Variants in ERBB4 observed in about 807,000 individuals in gnomAD.
ERBB4 encodes erb-b2 receptor tyrosine kinase 4.
ERBB4 carries 42 observed loss-of-function variants against 158.0 expected under a neutral mutation model. The observed-to-expected ratio is 0.27, with a 90% CI of 0.21 to 0.34. The LOEUF is 0.34. Among genes scored for constraint, ERBB4 ranks in the 10% least tolerant of loss-of-function variants. The pLI is 1.00. For missense variants in ERBB4, 1,333 were observed against 1,624.1 expected (o/e 0.82, Z 3.08); for synonymous variants, 583 against 558.7 (o/e 1.04, Z -0.61).
At chr2:212,442,169 A>G (rs2105980645) in intron 1 of ERBB4, among the ~76,000 whole-genome samples, 1 of 152,314 alleles carries the variant, frequency 6.6e-6, no homozygotes, top group Admixed American at 6.5e-5. Flanking sequence ...TGTTCCTAGA[A>G]GTGAAATTGA....
intron 1 of ERBB4, among the ~76,000 whole-genome samples, chr2:212,352,122 C>T (rs944188168): frequency 1.3e-5 from 2 of 151,750 alleles, no homozygotes; most frequent in African/African-American, 4.8e-5. Context: ...ACAATGAGAA[C>T]ATATAGACAA....
chr2:212,300,923 A>G (rs1251667119), intron 1 of ERBB4, among the ~76,000 whole-genome samples: 1 of 151,534 alleles, frequency 6.6e-6, no homozygotes, highest in Non-Finnish European at 1.5e-5. Flanking sequence ...GTCTCTATAA[A>G]GTAAAGATGC....
chr2:211,749,482 A>G (rs1559483975), intron 5 of ERBB4, among the ~76,000 whole-genome samples: 2 of 151,596 alleles, frequency 1.3e-5, no homozygotes, highest in Non-Finnish European at 2.9e-5. Flanking sequence ...TTTGTTGCCT[A>G]TGGAGAGCTG....
chr2:211,476,343 C>T (rs1205501417), intron 20 of ERBB4, among the ~76,000 whole-genome samples: 5 of 151,980 alleles, frequency 3.3e-5, no homozygotes, highest in African/African-American at 4.8e-5. Flanking sequence ...TAAAAAAATG[C>T]AAACTTCCTT....
At chr2:211,861,350 G>GTTTTTTTTT (rs67133944) in intron 3 of ERBB4, among the ~76,000 whole-genome samples, 20 of 88,914 alleles carry the variant, frequency 2.2e-4, no homozygotes, top group East Asian at 7.1e-4. Flanking sequence ...TTTTTTTTTT[G>GTTTTTTTTT]TTTTTTTTTT....
At chr2:212,341,372 T>G (rs2088703684) in intron 1 of ERBB4, among the ~76,000 whole-genome samples, 1 of 152,100 alleles carries the variant, frequency 6.6e-6, no homozygotes, top group East Asian at 1.9e-4. Flanking sequence ...AATTTTTTTT[T>G]GTAAGTTATA....
intron 19 of ERBB4, among the ~76,000 whole-genome samples, chr2:211,611,933 G>A (rs975915876): frequency 2.0e-5 from 3 of 152,086 alleles, no homozygotes; most frequent in Admixed American, 2.0e-4. Flanking sequence ...TTGGCCTATT[G>A]CATGCATAGG....
At chr2:211,976,494 G>T (rs2125217739) in intron 2 of ERBB4, among the ~76,000 whole-genome samples, 1 of 152,000 alleles carries the variant, frequency 6.6e-6, no homozygotes, top group East Asian at 1.9e-4. Context: ...CCTACAACTG[G>T]GAATGGAAGG....
chr2:212,520,374 T>C (rs1465413703), intron 1 of ERBB4, among the ~76,000 whole-genome samples: 1 of 151,974 alleles, frequency 6.6e-6, no homozygotes, highest in Admixed American at 6.6e-5. Context: ...GTTATTTGCA[T>C]GTAAAAATTA....
At chr2:211,957,066 G>T (rs1462456968) in intron 2 of ERBB4, among the ~76,000 whole-genome samples, 2 of 151,938 alleles carry the variant, frequency 1.3e-5, no homozygotes, top group East Asian at 3.9e-4. Context: ...CTCGCCTCAA[G>T]CAATACTCCT....
chr2:211,908,761 C>T (rs569347166), intron 3 of ERBB4, among the ~76,000 whole-genome samples: 44 of 151,702 alleles, frequency 2.9e-4, no homozygotes, highest in South Asian at 6.2e-4. Flanking sequence ...GATAAAAATG[C>T]AGAGGCAATT....
At chr2:212,297,924 A>G (rs575001976) in intron 1 of ERBB4, among the ~76,000 whole-genome samples, 1 of 151,858 alleles carries the variant, frequency 6.6e-6, no homozygotes, top group South Asian at 2.1e-4. Context: ...TTTGAAATAA[A>G]GTAAGTTCAA....
At chr2:212,325,007 T>C (rs1336991446) in intron 1 of ERBB4, among the ~76,000 whole-genome samples, 1 of 85,254 alleles carries the variant, frequency 1.2e-5, no homozygotes, top group Non-Finnish European at 2.9e-5. Context: ...AGTAAAATAT[T>C]ACAAGCAACC....
intron 1 of ERBB4, among the ~76,000 whole-genome samples, chr2:212,427,049 T>G (rs998313001): frequency 6.6e-6 from 1 of 152,144 alleles, no homozygotes; most frequent in Non-Finnish European, 1.5e-5. Context: ...TTTTACACCA[T>G]TTTAGTAGGA....
chr2:212,254,160 A>G lies in ERBB4; in HGVS notation c.83-129257T>C, dbSNP rs560019080. On this transcript the variant is annotated intron_variant, in intron 1 of 27. Transcript: ENST00000342788. ...TCCTAGAAGACCATATAAATAACAT[A>G]CAATTTTAAATCCTACTTAAAATAT... Among the ~76,000 whole-genome samples the G allele has an allele frequency of 8.5e-5, 13 of 152,172 alleles. 1 individual carries two copies. Among genetic ancestry groups the G allele is most frequent in the Non-Finnish European group, 1.6e-4 (11 of 68,022 alleles).
At chr2:212,412,097 G>A (rs975743839) in intron 1 of ERBB4, among the ~76,000 whole-genome samples, 1 of 152,160 alleles carries the variant, frequency 6.6e-6, no homozygotes, top group Admixed American at 6.5e-5. Context: ...CATACTCATG[G>A]AAAGAATCAT....
intron 16 of ERBB4, among the ~76,000 whole-genome samples, chr2:211,633,206 T>A (rs2070212448): frequency 6.6e-6 from 1 of 152,144 alleles, no homozygotes; most frequent in Admixed American, 6.6e-5. Flanking sequence ...ACAAACCAGT[T>A]ATAGAGTCTT....
intron 3 of ERBB4, among the ~76,000 whole-genome samples, chr2:211,788,938 C>T (rs1156946535): frequency 6.6e-6 from 1 of 152,100 alleles, no homozygotes; most frequent in Non-Finnish European, 1.5e-5. Flanking sequence ...TGTGGGATAA[C>T]ATGCACTAAA....
rs2089401630 is a variant in ERBB4 at position 212,354,756 on chromosome 2, A to G, written c.82+183693T>C. Among the ~76,000 whole-genome samples, 6 of 152,138 alleles carry G rather than the reference A, an allele frequency of 3.9e-5. No individual in the cohort carries two copies. The South Asian group carries it at 1.2e-3, about 31-fold the overall frequency. On this transcript the variant is annotated intron_variant, in intron 1 of 27. Transcript: ENST00000342788. The stretch of plus-strand genomic sequence containing the variant: ...TTTCATTTACAGAAAGAGAAGCAAA[A>G]AAGGTAATTGAAGAGAAAGTAGGTA...
Sources: allele counts gnomAD v4.1 joint callset (sites outside exome capture counted in the v4.1 genomes callset), GRCh38; gene constraint gnomAD v4.1.1; transcripts MANE v1.5; gene names NCBI Gene and HGNC (gene_info 2026-07-23, HGNC 2026-07-21).